Variants in SMCO4 observed in about 807,000 individuals in gnomAD.
SMCO4 encodes single-pass membrane protein with coiled-coil domains 4.
SMCO4 carries 4 observed loss-of-function variants against 3.6 expected under a neutral mutation model. The observed-to-expected ratio is 1.11, with a 90% confidence interval of 0.54 to 2.53. The LOEUF (loss-of-function observed/expected upper bound fraction) is 2.53, where lower values mean the gene tolerates loss of function less well. Among genes scored for constraint, SMCO4 ranks in the 30% most tolerant of loss-of-function variants. The pLI is 0.02. For missense variants in SMCO4, 70 were observed against 80.8 expected (o/e 0.87, Z 0.51); for synonymous variants, 36 against 35.3 (o/e 1.02, Z -0.07).
At chr11:93,480,426 T>C (rs1329096120) in intron 2 of SMCO4, among the ~76,000 whole-genome samples, 1 of 152,218 alleles carries the variant, frequency 6.6e-6, no homozygotes, top group Non-Finnish European at 1.5e-5. Flanking sequence ...GCATTCTGCA[T>C]CACCAGCTTC....
intron 2 of SMCO4, among the ~76,000 whole-genome samples, chr11:93,486,106 T>C (rs1463430844): frequency 6.6e-6 from 1 of 152,202 alleles, no homozygotes; most frequent in East Asian, 1.9e-4. Context: ...AGCTACTGCT[T>C]CCTGAATGCT....
At chr11:93,526,602 C>T (rs906272858) in intron 1 of SMCO4, among the ~76,000 whole-genome samples, 2 of 152,200 alleles carry the variant, frequency 1.3e-5, no homozygotes, top group Non-Finnish European at 2.9e-5. Flanking sequence ...ACCTGCTGCT[C>T]TTCACATCCG....
chr11:93,505,078 A>G lies in SMCO4; in HGVS notation c.-153-5730T>C, dbSNP rs996585177. Among the ~76,000 whole-genome samples, 5 of 152,340 alleles carry G rather than the reference A, an allele frequency of 3.3e-5. No individual in the cohort carries two copies. The East Asian group carries it at 7.7e-4, about 23-fold the overall frequency. On this transcript the variant is annotated intron_variant, in intron 1 of 2. Coordinates refer to ENST00000298966, the MANE Select transcript of SMCO4 (RefSeq NM_020179.3). ...AAGTTGTCTCACGCTGTAACAGATCATGTCTTCAACATGCTACACTCTCAG... is the reference window on the plus strand; with the variant it reads ...AAGTTGTCTCACGCTGTAACAGATCGTGTCTTCAACATGCTACACTCTCAG...
At chr11:93,540,951 C>G (rs1331173713) in intron 1 of SMCO4, among the ~76,000 whole-genome samples, 2 of 152,146 alleles carry the variant, frequency 1.3e-5, no homozygotes, top group African/African-American at 2.4e-5. Context: ...ACCACTACCT[C>G]AAACTCAGAG....
chr11:93,520,608 AC>A (rs1418086548), intron 1 of SMCO4, among the ~76,000 whole-genome samples: 1 of 152,244 alleles, frequency 6.6e-6, no homozygotes, highest in African/African-American at 2.4e-5. Context: ...TAAAGTATAA[AC>A]CAGCAAGTTT....
At chr11:93,487,820 C>G (rs1948668837) in intron 2 of SMCO4, among the ~76,000 whole-genome samples, 1 of 152,228 alleles carries the variant, frequency 6.6e-6, no homozygotes, top group African/African-American at 2.4e-5. Flanking sequence ...CCTGGCAATT[C>G]TAGGGTCTGT....
chr11:93,488,057 G>C (rs1948671096), intron 2 of SMCO4, among the ~76,000 whole-genome samples: 1 of 152,240 alleles, frequency 6.6e-6, no homozygotes. Flanking sequence ...AATGGATAGA[G>C]CATGTGTCAG....
At chr11:93,543,470 T>A (rs1949291213), upstream of SMCO4, 1 of 151,064 alleles carries the variant, frequency 6.6e-6, no homozygotes, top group Admixed American at 6.6e-5. Context: ...ACTCGCTGGC[T>A]GCCCCCGCCC....
intron 2 of SMCO4, among the ~76,000 whole-genome samples, chr11:93,490,522 T>G (rs1948702206): frequency 6.6e-6 from 1 of 152,216 alleles, no homozygotes. Flanking sequence ...AAATGCTGGT[T>G]GAGATCCACA....
Position 93,543,286 on chromosome 11 carries a change from G to GCGCCGC in SMCO4, c.-170_-165dup, listed in dbSNP as rs530527831. ...CCGCTCCCAGCCCACCTGCCCGCGG[G>GCGCCGC]CGCCGCCGCCGCCGCCGCCACCACT... On this transcript the variant is annotated 5_prime_UTR_variant, in exon 1 of 3. Coordinates refer to ENST00000298966, the MANE Select transcript of SMCO4 (RefSeq NM_020179.3). 2.7e-4 allele frequency: 39 copies of GCGCCGC among 146,004 alleles called. No individual in the cohort carries two copies. Among genetic ancestry groups the GCGCCGC allele is most frequent in the South Asian group, 1.1e-3 (6 of 5,496 alleles). 9.0% of individuals were successfully genotyped at this position (146,004 alleles called of 1,614,324 possible).
At chr11:93,515,624 C>T (rs1037849875) in intron 1 of SMCO4, among the ~76,000 whole-genome samples, 2 of 152,194 alleles carry the variant, frequency 1.3e-5, no homozygotes, top group African/African-American at 4.8e-5. Flanking sequence ...CTCTGCTTCT[C>T]TCTGCCTACA....
intron 2 of SMCO4, among the ~76,000 whole-genome samples, chr11:93,492,196 C>T (rs1458915536): frequency 6.6e-6 from 1 of 152,218 alleles, no homozygotes; most frequent in Admixed American, 6.5e-5. Context: ...CTAACAGTTG[C>T]TGAGCACCAG....
chr11:93,537,318 C>A (rs1370697177), intron 1 of SMCO4, among the ~76,000 whole-genome samples: 1 of 152,188 alleles, frequency 6.6e-6, no homozygotes, highest in Non-Finnish European at 1.5e-5. Flanking sequence ...TGAGTCCCTC[C>A]ACTTCGGCAA....
intron 1 of SMCO4, among the ~76,000 whole-genome samples, chr11:93,517,675 T>A (rs1949020398): frequency 6.6e-6 from 1 of 152,152 alleles, no homozygotes; most frequent in South Asian, 2.1e-4. Flanking sequence ...ATATCCATTA[T>A]CTCCGCTGAT....
chr11:93,540,005 C>T (rs1949259083), intron 1 of SMCO4, among the ~76,000 whole-genome samples: 1 of 150,668 alleles, frequency 6.6e-6, no homozygotes, highest in Non-Finnish European at 1.5e-5. Context: ...AAAGGGAAAC[C>T]AGCTACATCC....
chr11:93,513,066 G>C (rs1050040868), intron 1 of SMCO4, among the ~76,000 whole-genome samples: 5 of 152,158 alleles, frequency 3.3e-5, no homozygotes, highest in South Asian at 2.1e-4. Flanking sequence ...AAGAGCATGG[G>C]ACCCATCAAT....
intron 2 of SMCO4, among the ~76,000 whole-genome samples, chr11:93,480,997 A>T (rs1198832550): frequency 2.0e-5 from 3 of 152,058 alleles, no homozygotes; most frequent in African/African-American, 7.2e-5. Flanking sequence ...GGGAAGCGCC[A>T]TTTGGGCAAA....
At chr11:93,498,331 G>C (rs949309130) in intron 2 of SMCO4, among the ~76,000 whole-genome samples, 1 of 152,204 alleles carries the variant, frequency 6.6e-6, no homozygotes, top group South Asian at 2.1e-4. Context: ...ACAAAGGTTG[G>C]GGGCAGGGAG....
chr11:93,479,201 G>C lies in SMCO4; in HGVS notation c.-12C>G. On this transcript the variant is annotated 5_prime_UTR_variant, in exon 3 of 3. It adds an upstream start codon to the 5' untranslated region. Transcript: ENST00000298966. Reference sequence around the variant, plus strand: ...TTGAGCTGCCGCATCTTTCCTAGAGGATGCTAGGAGGGTGTGTCCAGAGGG... The same window carrying C: ...TTGAGCTGCCGCATCTTTCCTAGAGCATGCTAGGAGGGTGTGTCCAGAGGG... The C allele has an allele frequency of 1.9e-6, 3 of 1,612,208 alleles. No individual in the cohort carries two copies. The highest frequency in any genetic ancestry group is 2.5e-6 in the Non-Finnish European group (3 of 1,178,996).
Sources: allele counts gnomAD v4.1 joint callset (sites outside exome capture counted in the v4.1 genomes callset), GRCh38; gene constraint gnomAD v4.1.1; transcripts MANE v1.5; gene names NCBI Gene and HGNC (gene_info 2026-07-23, HGNC 2026-07-21).